CAAP1: variants seen among roughly 807,000 people sequenced by gnomAD.
CAAP1 encodes conserved anti-apoptotic protein.
In CAAP1, 20 loss-of-function variants were observed where a neutral mutation model predicts 34.0. The observed-to-expected ratio is 0.59, with a 90% CI of 0.41 to 0.86. CAAP1 has a LOEUF of 0.86. Among genes scored for constraint, CAAP1 ranks in the 40% least tolerant of loss-of-function variants. CAAP1 has a pLI of 0.00. For synonymous variants in CAAP1, 213 were observed against 166.7 expected (o/e 1.28, Z -2.14); for missense variants, 538 against 450.5 (o/e 1.19, Z -1.76).
At chr9:26,890,130 G>T (rs947868770) in intron 1 of CAAP1, among the ~76,000 whole-genome samples, 1 of 152,108 alleles carries the variant, frequency 6.6e-6, no homozygotes, top group Admixed American at 6.5e-5. Flanking sequence ...AGCACTTTGG[G>T]AGGCTGAGAC....
chr9:26,885,171 G>C (rs1314406152), intron 3 of CAAP1, among the ~76,000 whole-genome samples: 2 of 151,004 alleles, frequency 1.3e-5, no homozygotes, highest in Non-Finnish European at 2.9e-5. Context: ...CCACCTCCCG[G>C]GTTCTAGCAA....
rs1315326752 is a variant in CAAP1 at position 26,892,774 on chromosome 9, G to A, written c.-59C>T. The A allele has an allele frequency of 3.1e-5, 46 of 1,483,948 alleles. No homozygotes were observed. Among genetic ancestry groups the A allele is most frequent in the Non-Finnish European group, 4.1e-5 (46 of 1,113,262 alleles). 91.9% of individuals were successfully genotyped at this position (1,483,948 alleles called of 1,614,324 possible). On this transcript the variant is annotated 5_prime_UTR_variant, in exon 1 of 6. Transcript: ENST00000333916. The stretch of plus-strand genomic sequence containing the variant: ...GCTGTCTCTGGTGCGACCGAAGCCC[G>A]ACTCCTGCGGCCGTGGGCGGCAGGC...
chr9:26,891,879 G>T (rs1045484965), intron 1 of CAAP1, among the ~76,000 whole-genome samples: 4 of 152,182 alleles, frequency 2.6e-5, no homozygotes, highest in African/African-American at 9.7e-5. Flanking sequence ...AACAAATTAT[G>T]AACTTTTTTA....
chr9:26,892,356 C>T (rs757156829), intron 1 of CAAP1, 57 bp downstream of exon 1: 3 of 1,587,170 alleles, frequency 1.9e-6, no homozygotes, highest in Non-Finnish European at 1.7e-6. Context: ...TCTGGAAGCC[C>T]GACTTCTTCC....
intron 1 of CAAP1, among the ~76,000 whole-genome samples, chr9:26,890,239 C>T (rs1172728903): frequency 3.3e-5 from 5 of 151,868 alleles, no homozygotes; most frequent in African/African-American, 1.2e-4. Flanking sequence ...GCCATGGTGG[C>T]GGGCACCTGT....
chr9:26,853,486 C>T (rs1358746978), intron 5 of CAAP1, among the ~76,000 whole-genome samples: 1 of 152,126 alleles, frequency 6.6e-6, no homozygotes, highest in Non-Finnish European at 1.5e-5. Context: ...CTTAAAACTA[C>T]ATAAGATCAT....
intron 1 of CAAP1, among the ~76,000 whole-genome samples, chr9:26,888,162 CTT>C (rs1281688465): frequency 1.3e-5 from 2 of 152,308 alleles, no homozygotes; most frequent in Admixed American, 6.5e-5. Context: ...TCTGAGGTCT[CTT>C]TGTTTTGTAC....
At chr9:26,874,876 A>T (rs1823387474) in intron 4 of CAAP1, among the ~76,000 whole-genome samples, 1 of 152,222 alleles carries the variant, frequency 6.6e-6, no homozygotes. Flanking sequence ...GGAGAAATAG[A>T]ATTTGAATAT....
chr9:26,872,802 T>A (rs1823313256), intron 4 of CAAP1, among the ~76,000 whole-genome samples: 1 of 152,164 alleles, frequency 6.6e-6, no homozygotes, highest in Non-Finnish European at 1.5e-5. Context: ...CTCATGGAAA[T>A]AAAATGGTTC....
At chr9:26,843,093 A>G (rs1042561238) in intron 5 of CAAP1, among the ~76,000 whole-genome samples, 1 of 152,212 alleles carries the variant, frequency 6.6e-6, no homozygotes, top group East Asian at 1.9e-4. Flanking sequence ...AAAAAGAAAA[A>G]GTATCATCAG....
chr9:26,883,600 G>A (rs1823654960), intron 4 of CAAP1, among the ~76,000 whole-genome samples: 1 of 151,632 alleles, frequency 6.6e-6, no homozygotes, highest in Non-Finnish European at 1.5e-5. Context: ...CTCAAAAACT[G>A]GAAAAAAATA....
At chr9:26,853,912 C>T (rs973972075) in intron 5 of CAAP1, among the ~76,000 whole-genome samples, 2 of 151,936 alleles carry the variant, frequency 1.3e-5, no homozygotes, top group South Asian at 2.1e-4. Context: ...TCTTTCTATC[C>T]CTAGTGCCTA....
chr9:26,892,772 C>T lies in CAAP1; in HGVS notation c.-57G>A. Reference sequence around the variant, plus strand: ...CCGCTGTCTCTGGTGCGACCGAAGCCCGACTCCTGCGGCCGTGGGCGGCAG... The same window carrying T: ...CCGCTGTCTCTGGTGCGACCGAAGCTCGACTCCTGCGGCCGTGGGCGGCAG... On this transcript the variant is annotated 5_prime_UTR_variant, in exon 1 of 6. Transcript: ENST00000333916. 6.7e-7 allele frequency: 1 copy of T among 1,491,348 alleles called. No homozygotes were observed. Among genetic ancestry groups the T allele is most frequent in the Non-Finnish European group, 8.9e-7 (1 of 1,118,886 alleles). The allele number at this position is 1,491,348 out of a possible 1,614,324, so 92.4% of individuals were successfully genotyped here.
Position 26,871,014 on chromosome 9 carries a change from CAA to C in CAAP1, c.666-9877_666-9876del, listed in dbSNP as rs377012638. On this transcript the variant is annotated intron_variant, in intron 4 of 5. Transcript: ENST00000333916. ...TCTATAGAGCACAGTAAATTTTACT[CAA>C]ATACTTTATTGCATTCAAGTTTATT... 8.1e-4 allele frequency among the ~76,000 whole-genome samples: 123 copies of C among 152,230 alleles called. 4 individuals carry two copies. In the South Asian group the frequency reaches 0.025, roughly 31 times the overall value.
chr9:26,875,466 TAAAAG>T (rs1490984911), intron 4 of CAAP1, among the ~76,000 whole-genome samples: 2 of 152,194 alleles, frequency 1.3e-5, no homozygotes, highest in Non-Finnish European at 2.9e-5. Flanking sequence ...GGTCGCCTAC[TAAAAG>T]AAAACATCAA....
chr9:26,879,107 C>T (rs191009163), intron 4 of CAAP1, among the ~76,000 whole-genome samples: 4 of 152,314 alleles, frequency 2.6e-5, no homozygotes, highest in Non-Finnish European at 5.9e-5. Flanking sequence ...AAGTTTTCCA[C>T]AGGTATCTTT....
intron 5 of CAAP1, among the ~76,000 whole-genome samples, chr9:26,859,791 T>C (rs947727382): frequency 6.6e-6 from 1 of 152,192 alleles, no homozygotes; most frequent in Admixed American, 6.5e-5. Context: ...TATGAGGTTA[T>C]CACAACAGGA....
intron 5 of CAAP1, among the ~76,000 whole-genome samples, chr9:26,844,144 GGT>G (rs1822540914): frequency 2.0e-5 from 3 of 151,960 alleles, no homozygotes; most frequent in African/African-American, 7.3e-5. Flanking sequence ...GATCACCTGG[GGT>G]CAGGAGTTTG....
In CAAP1 at chr9:26,892,752, GTC is replaced by G. The variant is rs1374972493; in HGVS notation, c.-39_-38del. Reference sequence around the variant, plus strand: ...TGCAACCATCGGAGGAAAGTCCGCTGTCTCTGGTGCGACCGAAGCCCGACTCC... The same window carrying G: ...TGCAACCATCGGAGGAAAGTCCGCTGTCTGGTGCGACCGAAGCCCGACTCC... On this transcript the variant is annotated 5_prime_UTR_variant, in exon 1 of 6. Coordinates refer to ENST00000333916, the MANE Select transcript of CAAP1 (RefSeq NM_024828.4). The G allele has an allele frequency of 6.5e-7, 1 of 1,537,700 alleles. No individual in the cohort carries two copies. The highest frequency in any genetic ancestry group is 2.3e-5 in the East Asian group (1 of 44,146).
Sources: allele counts gnomAD v4.1 joint callset (sites outside exome capture counted in the v4.1 genomes callset), GRCh38; gene constraint gnomAD v4.1.1; transcripts MANE v1.5; gene names NCBI Gene and HGNC (gene_info 2026-07-23, HGNC 2026-07-21).